EPHA6: variants seen among roughly 807,000 people sequenced by gnomAD.
EPHA6 encodes EPH receptor A6.
In EPHA6, 50 loss-of-function variants were observed where a neutral mutation model predicts 112.0. The ratio of observed to expected loss-of-function variants is 0.45; its 90% confidence interval spans 0.36 to 0.56. EPHA6 has a LOEUF of 0.56. Ranked by LOEUF, EPHA6 falls within the 20% of genes least tolerant of loss-of-function variation. The pLI, the probability that EPHA6 is intolerant of heterozygous loss-of-function variation, is 0.00. For synonymous variants in EPHA6, 529 were observed against 490.7 expected (o/e 1.08, Z -1.03); for missense variants, 1,280 against 1,417.4 (o/e 0.90, Z 1.56).
At chr3:97,035,103 T>A (rs888220712) in intron 3 of EPHA6, among the ~76,000 whole-genome samples, 2 of 151,946 alleles carry the variant, frequency 1.3e-5, no homozygotes, top group Admixed American at 1.3e-4. Context: ...TCTCCAAAAC[T>A]CCTTTTAGAA....
At chr3:97,056,773 A>T (rs1346315973) in intron 3 of EPHA6, among the ~76,000 whole-genome samples, 1 of 152,158 alleles carries the variant, frequency 6.6e-6, no homozygotes, top group Non-Finnish European at 1.5e-5. Flanking sequence ...TCTTCATTTA[A>T]TCTTCCATTT....
rs148348739 is a variant in EPHA6, at chr3:97,578,753, T to C, written c.2387-13859T>C. On this transcript the variant is annotated intron_variant, in intron 11 of 17. Coordinates refer to ENST00000389672, the MANE Select transcript of EPHA6 (RefSeq NM_001080448.3). ...AAATAGTAGAGATTATTCTTACTTTTTTAACTAGATATGCATCATAAATTT... is the reference window on the plus strand; with the variant it reads ...AAATAGTAGAGATTATTCTTACTTTCTTAACTAGATATGCATCATAAATTT... 2.1e-4 allele frequency among the ~76,000 whole-genome samples: 32 copies of C among 152,340 alleles called. No homozygotes were observed. In the East Asian group the frequency reaches 5.8e-3, roughly 27 times the overall value.
intron 2 of EPHA6, among the ~76,000 whole-genome samples, chr3:96,894,274 G>T (rs2038142032): frequency 6.6e-6 from 1 of 152,142 alleles, no homozygotes; most frequent in South Asian, 2.1e-4. Context: ...CTGAGTTGCT[G>T]CTATGCCAGT....
chr3:97,476,533 T>G (rs938863277), intron 8 of EPHA6, among the ~76,000 whole-genome samples: 3 of 152,108 alleles, frequency 2.0e-5, no homozygotes, highest in Non-Finnish European at 4.4e-5. Context: ...GACCAACATT[T>G]TATTAAAATT....
intron 10 of EPHA6, among the ~76,000 whole-genome samples, chr3:97,527,978 T>G (rs2092646265): frequency 6.6e-6 from 1 of 152,114 alleles, no homozygotes; most frequent in African/African-American, 2.4e-5. Context: ...CCAATAATAT[T>G]GGGCCTTAAT....
chr3:97,214,241 G>A lies in EPHA6; in HGVS notation c.1115-12023G>A, dbSNP rs145199954. On this transcript the variant is annotated intron_variant, in intron 3 of 17. Transcript: ENST00000389672. ...TTGAGTAGAGACAGGGATTCACCAT[G>A]TTGGCCAGGCTGGTCTCAAACTCCA... Among the ~76,000 whole-genome samples, 671 of 152,112 alleles carry A rather than the reference G, an allele frequency of 4.4e-3. 1 individual carries two copies. The highest frequency in any genetic ancestry group is 0.015 in the African/African-American group (624 of 41,496).
intron 2 of EPHA6, among the ~76,000 whole-genome samples, chr3:96,898,537 A>AT (rs1474734641): frequency 1.3e-5 from 2 of 152,188 alleles, no homozygotes; most frequent in Non-Finnish European, 2.9e-5. Flanking sequence ...CCATTCATAA[A>AT]TTACTTAAAT....
intron 14 of EPHA6, among the ~76,000 whole-genome samples, chr3:97,661,212 G>A (rs572748996): frequency 1.8e-4 from 28 of 152,214 alleles, no homozygotes; most frequent in Non-Finnish European, 1.3e-4. Context: ...TATTGAGAAG[G>A]ATTTTTGGTA....
At chr3:97,271,183 C>G (rs1223874950) in intron 5 of EPHA6, among the ~76,000 whole-genome samples, 1 of 152,168 alleles carries the variant, frequency 6.6e-6, no homozygotes, top group Non-Finnish European at 1.5e-5. Flanking sequence ...CTGGATTGTC[C>G]TATGCAAACT....
intron 3 of EPHA6, among the ~76,000 whole-genome samples, chr3:97,160,651 A>G (rs1304125159): frequency 6.6e-6 from 1 of 151,948 alleles, no homozygotes; most frequent in Non-Finnish European, 1.5e-5. Context: ...CCTGTCACCA[A>G]TTTCCCTGTT....
chr3:97,618,085 CCA>C (rs1238235505), intron 13 of EPHA6, among the ~76,000 whole-genome samples: 5 of 152,120 alleles, frequency 3.3e-5, no homozygotes, highest in African/African-American at 1.2e-4. Context: ...TTCTCTCAGA[CCA>C]CAGCACAATC....
At chr3:97,312,176 TA>T (rs1477802282) in intron 5 of EPHA6, among the ~76,000 whole-genome samples, 1 of 151,668 alleles carries the variant, frequency 6.6e-6, no homozygotes, top group Non-Finnish European at 1.5e-5. Context: ...TTCTAAAATG[TA>T]TAAGATCCTT....
intron 3 of EPHA6, among the ~76,000 whole-genome samples, chr3:97,045,828 G>T (rs2045485991): frequency 6.6e-6 from 1 of 151,910 alleles, no homozygotes; most frequent in Admixed American, 6.6e-5. Context: ...GTAGGTATGT[G>T]GGTACATATC....
intron 11 of EPHA6, among the ~76,000 whole-genome samples, chr3:97,543,154 C>A (rs1322816232): frequency 6.6e-6 from 1 of 152,184 alleles, no homozygotes; most frequent in East Asian, 1.9e-4. Context: ...GTGTTTTAGA[C>A]ATGAAGTCCT....
chr3:97,542,775 A>G (rs1195834147), intron 11 of EPHA6, among the ~76,000 whole-genome samples: 1 of 152,170 alleles, frequency 6.6e-6, no homozygotes, highest in African/African-American at 2.4e-5. Context: ...TGACTTTTTA[A>G]TGATCGCCAT....
intron 11 of EPHA6, among the ~76,000 whole-genome samples, chr3:97,543,487 G>T (rs573241919): frequency 7.0e-4 from 106 of 152,224 alleles, no homozygotes; most frequent in African/African-American, 2.2e-3. Flanking sequence ...ATGCTGTTTT[G>T]GTTACTGTAG....
chr3:97,082,470 T>C (rs79772014), intron 3 of EPHA6, among the ~76,000 whole-genome samples: 17 of 151,958 alleles, frequency 1.1e-4, no homozygotes, highest in Admixed American at 3.3e-4. Flanking sequence ...ATTTAAAAAA[T>C]TGTTTAGCAT....
intron 7 of EPHA6, among the ~76,000 whole-genome samples, chr3:97,456,951 CA>C (rs1201962712): frequency 1.3e-5 from 2 of 152,130 alleles, no homozygotes; most frequent in East Asian, 3.9e-4. Context: ...GAGTTAGAGC[CA>C]TTCTTCAGAC....
intron 2 of EPHA6, among the ~76,000 whole-genome samples, chr3:96,974,590 T>C (rs1389404515): frequency 1.3e-5 from 2 of 152,058 alleles, no homozygotes; most frequent in African/African-American, 2.4e-5. Context: ...AATCGAATTA[T>C]ACATGCTTCT....
Sources: gnomAD v4.1 joint callset for allele counts (sites outside exome capture counted in the v4.1 genomes callset) on GRCh38, gnomAD v4.1.1 for gene constraint, MANE v1.5 for transcripts, NCBI Gene and HGNC (gene_info 2026-07-23, HGNC 2026-07-21) for gene names.